Variants in IBTK observed in about 807,000 individuals in gnomAD.
The protein encoded by IBTK is inhibitor of Bruton tyrosine kinase, also known as BTK-binding protein.
In IBTK, 83 loss-of-function variants were observed where a neutral mutation model predicts 154.9. That is an observed-to-expected ratio of 0.54 (90% CI 0.45 to 0.64). IBTK has a LOEUF of 0.64. Among genes scored for constraint, IBTK ranks in the 30% least tolerant of loss-of-function variants. IBTK has a pLI of 0.00. For missense variants in IBTK, 1,332 were observed against 1,584.6 expected, an observed-to-expected ratio of 0.84 and a Z score of 2.71; for synonymous variants, 515 against 536.1, an observed-to-expected ratio of 0.96 and a Z score of 0.54.
chr6:82,212,948 C>T (rs1178183654), intron 12 of IBTK, among the ~76,000 whole-genome samples, 155 bp from the exon 13 acceptor site: 1 of 152,158 alleles, frequency 6.6e-6, no homozygotes, highest in African/African-American at 2.4e-5. Flanking sequence ...AAATATCATA[C>T]TTTTTCTTCC....
chr6:82,175,045 T>C (rs1375861529), intron 26 of IBTK: 1 of 455,832 alleles, frequency 2.2e-6, no homozygotes, highest in Non-Finnish European at 4.4e-6. Context: ...TTATTATTGT[T>C]TACATGTCAA....
intron 10 of IBTK, among the ~76,000 whole-genome samples, chr6:82,217,276 G>C (rs1481207001): frequency 1.3e-5 from 2 of 152,080 alleles, no homozygotes; most frequent in Non-Finnish European, 2.9e-5. Flanking sequence ...CTACGTTCTA[G>C]TTACTCCCAC....
intron 8 of IBTK, among the ~76,000 whole-genome samples, 146 bp downstream of exon 8, chr6:82,223,281 AAAAGACAAAAATC>A (rs1240829715): frequency 2.6e-5 from 4 of 152,374 alleles, no homozygotes; most frequent in East Asian, 1.9e-4. Context: ...GATCCATGCC[AAAAGACAAAAATC>A]AAAGACAAAA....
intron 25 of IBTK, among the ~76,000 whole-genome samples, chr6:82,187,103 A>G (rs1004868668): frequency 4.0e-5 from 6 of 151,882 alleles, no homozygotes; most frequent in Non-Finnish European, 7.4e-5. Context: ...TTTAGTAGAG[A>G]CGGGGTTTTT....
chr6:82,244,571 G>A (rs747029113), intron 1 of IBTK, among the ~76,000 whole-genome samples: 23 of 151,936 alleles, frequency 1.5e-4, no homozygotes, highest in Non-Finnish European at 2.2e-4. Flanking sequence ...ACTTCATATT[G>A]TTCCTGATAG....
At chr6:82,171,648 T>C in intron 28 of IBTK, 92 bp from the exon 29 acceptor site, 1 of 1,031,930 alleles carries the variant, frequency 9.7e-7, no homozygotes, top group East Asian at 2.7e-5. Context: ...TGAGGAACTA[T>C]CACTTTCCAT....
Position 82,240,180 on chromosome 6 carries a change from A to C in IBTK, c.307T>G (p.Trp103Gly). The change falls in exon 2 of 29, where the codon TGG becomes GGG. Residue 103 changes from tryptophan to glycine, a missense_variant. Around this residue, in one of 3 missense-constraint regions of IBTK, gnomAD observed 114 missense variants for 213.7 expected, o/e 0.53. Transcript: ENST00000306270. ...SIFYGHIDCV[W>G]SLLKHGVSLY... is the part of the protein sequence containing the mutation. ...ATGACAATTACCTTCAATAGAGACC[A>C]AACACAATCAATATGTCCATAAAAA... The C allele has an allele frequency of 6.2e-7, 1 of 1,613,080 alleles. No individual in the cohort carries two copies. The highest frequency in any genetic ancestry group is 1.1e-5 in the South Asian group (1 of 91,008).
intron 9 of IBTK, among the ~76,000 whole-genome samples, chr6:82,218,869 T>C (rs1373152654): frequency 2.0e-5 from 3 of 152,192 alleles, no homozygotes; most frequent in African/African-American, 4.8e-5. Context: ...AATGGTTATC[T>C]GACAAGGTCG....
intron 26 of IBTK, among the ~76,000 whole-genome samples, chr6:82,174,650 T>C (rs1283877968): frequency 6.6e-6 from 1 of 152,150 alleles, no homozygotes; most frequent in African/African-American, 2.4e-5. Flanking sequence ...AAAGCTAAAA[T>C]GTTTAGCCCT....
chr6:82,202,785 A>T (rs1001615108), intron 17 of IBTK, 140 bp from the exon 18 acceptor site: 63 of 547,480 alleles, frequency 1.2e-4, no homozygotes, highest in Non-Finnish European at 1.8e-4. Flanking sequence ...ATAAGTTAAT[A>T]CTGGGGCAAA....
chr6:82,242,385 T>A (rs947444118), intron 1 of IBTK, among the ~76,000 whole-genome samples: 4 of 150,032 alleles, frequency 2.7e-5, no homozygotes, highest in Non-Finnish European at 5.9e-5. Flanking sequence ...AAAAAAAAAA[T>A]TAATGGCAAT....
intron 26 of IBTK, among the ~76,000 whole-genome samples, chr6:82,180,942 A>G (rs1056873119): frequency 1.3e-5 from 2 of 152,092 alleles, no homozygotes; most frequent in African/African-American, 4.8e-5. Flanking sequence ...GTCTGAGACC[A>G]GGTCTCACTC....
Position 82,219,553 on chromosome 6 carries a change from T to G in IBTK, c.1248+1037A>C, listed in dbSNP as rs1341369885. ...TATAATTTTTAAAATCTAAATATAT[T>G]ATTTAGAGATGGCTCCCACCCTCCC... On this transcript the variant is annotated intron_variant, in intron 9 of 28. Coordinates refer to ENST00000306270, the MANE Select transcript of IBTK (RefSeq NM_015525.4). Among the ~76,000 whole-genome samples the G allele has an allele frequency of 4.0e-5, 6 of 151,688 alleles. No individual in the cohort carries two copies. The South Asian group carries it at 1.2e-3, about 31-fold the overall frequency.
At chr6:82,204,672 A>C (rs1769329924) in intron 17 of IBTK, among the ~76,000 whole-genome samples, 185 bp downstream of exon 17, 1 of 152,186 alleles carries the variant, frequency 6.6e-6, no homozygotes. Context: ...ATATATTTTC[A>C]CATATTTCTA....
intron 18 of IBTK, 86 bp from the exon 19 acceptor site, chr6:82,201,568 T>G (rs1045413773): frequency 4.7e-6 from 4 of 854,686 alleles, no homozygotes; most frequent in African/African-American, 1.7e-5. Flanking sequence ...TATTTCATAT[T>G]GCTAGATAAG....
chr6:82,223,840 T>C (rs9443971), intron 7 of IBTK, among the ~76,000 whole-genome samples: 33,430 of 151,920 alleles, frequency 0.22, 3,675 homozygotes, highest in South Asian at 0.25. Flanking sequence ...GTCCCAGCTA[T>C]TCGGGGGGCT....
chr6:82,198,185 C>T (rs1256468402), intron 21 of IBTK, among the ~76,000 whole-genome samples: 1 of 152,126 alleles, frequency 6.6e-6, no homozygotes, highest in African/African-American at 2.4e-5. Flanking sequence ...GTAACAATAA[C>T]ATTATTTAAA....
chr6:82,191,372 A>C (rs1156614040), intron 24 of IBTK, 156 bp from the exon 25 acceptor site: 1 of 647,556 alleles, frequency 1.5e-6, no homozygotes. Flanking sequence ...ATGTTATTTT[A>C]CCATTATTGG....
chr6:82,224,125 T>C lies in IBTK; in HGVS notation c.886A>G (p.Thr296Ala). 1 of 1,614,070 alleles carries C rather than the reference T, an allele frequency of 6.2e-7. No individual in the cohort carries two copies. The highest frequency in any genetic ancestry group is 8.5e-7 in the Non-Finnish European group (1 of 1,179,894). ...ACAGCTTCTCTAGTCCATAGGACTGTATGAAACCTGCCTGCTGCAACGCCA... is the reference window on the plus strand; with the variant it reads ...ACAGCTTCTCTAGTCCATAGGACTGCATGAAACCTGCCTGCTGCAACGCCA... ...IIGVAAGRFHTVLWTREAVYT... is the reference protein window; with the variant it reads ...IIGVAAGRFHAVLWTREAVYT... The change falls in exon 7 of 29, where the codon ACA becomes GCA. Residue 296 changes from threonine to alanine, a missense_variant. Transcript: ENST00000306270.
Sources: gnomAD v4.1 joint callset for allele counts (sites outside exome capture counted in the v4.1 genomes callset) on GRCh38, gnomAD v4.1.1 for gene constraint, gnomAD v4.1.1 regional missense constraint, MANE v1.5 for transcripts, NCBI Gene and HGNC (gene_info 2026-07-23, HGNC 2026-07-21) for gene names.